IL1RAPL2: variants seen among roughly 807,000 people sequenced by gnomAD.
IL1RAPL2 encodes the protein X-linked interleukin-1 receptor accessory protein-like 2.
In IL1RAPL2, 3 loss-of-function variants were observed where a neutral mutation model predicts 44.1. That is an observed-to-expected ratio of 0.07 (90% CI 0.03 to 0.18). The LOEUF (loss-of-function observed/expected upper bound fraction) is 0.18. Among genes scored for constraint, IL1RAPL2 ranks in the 10% least tolerant of loss-of-function variants. IL1RAPL2 has a pLI of 1.00. For missense variants in IL1RAPL2, 391 were observed against 496.4 expected (o/e 0.79, Z 2.02); for synonymous variants, 181 against 178.8 (o/e 1.01, Z -0.10).
At chrX:105,030,194 T>C (rs1462286307) in intron 2 of IL1RAPL2, among the ~76,000 whole-genome samples, 1 of 111,701 alleles carries the variant, frequency 9.0e-6, no homozygotes, top group Non-Finnish European at 1.9e-5. Context: ...ATCCTGTAAG[T>C]TGCCTGTTCA....
chrX:104,582,800 T>C, intron 1 of IL1RAPL2, among the ~76,000 whole-genome samples: 1 of 84,948 alleles, frequency 1.2e-5, no homozygotes, highest in Non-Finnish European at 2.3e-5. Flanking sequence ...TCTTTCCCTC[T>C]CTCTCTTTCT....
chrX:104,971,297 G>A (rs1042802108), intron 2 of IL1RAPL2, among the ~76,000 whole-genome samples: 2 of 111,321 alleles, frequency 1.8e-5, no homozygotes, highest in Non-Finnish European at 3.8e-5. Context: ...GCAGTGAGCC[G>A]AGATTGCACC....
At chrX:105,183,406 C>T (rs1556132029) in intron 2 of IL1RAPL2, among the ~76,000 whole-genome samples, 1 of 111,605 alleles carries the variant, frequency 9.0e-6, no homozygotes, top group African/African-American at 3.3e-5. Flanking sequence ...AGCCATGCTA[C>T]TTTGGGGATA....
intron 2 of IL1RAPL2, among the ~76,000 whole-genome samples, chrX:104,857,101 T>C (rs1474779143): frequency 8.9e-6 from 1 of 112,119 alleles, no homozygotes; most frequent in Non-Finnish European, 1.9e-5. Flanking sequence ...AGCCACTCTT[T>C]CTTCACTTTA....
chrX:105,432,939 A>C (rs754350520), intron 5 of IL1RAPL2, among the ~76,000 whole-genome samples: 85 of 111,302 alleles, frequency 7.6e-4, no homozygotes, highest in Non-Finnish European at 1.3e-3. Context: ...TCTTGGTGGC[A>C]GATGGGAAAC....
intron 5 of IL1RAPL2, among the ~76,000 whole-genome samples, chrX:105,417,484 T>C (rs1033534150): frequency 8.9e-6 from 1 of 112,646 alleles, no homozygotes; most frequent in Non-Finnish European, 1.9e-5. Flanking sequence ...AAAAATAAAT[T>C]ATGTGATTTA....
chrX:104,763,336 A>G, intron 2 of IL1RAPL2, among the ~76,000 whole-genome samples: 1 of 112,063 alleles, frequency 8.9e-6, no homozygotes, highest in Non-Finnish European at 1.9e-5. Context: ...AAACCATTCA[A>G]CAAGTCTCTA....
At chrX:105,355,355 G>A (rs1396251023) in intron 5 of IL1RAPL2, among the ~76,000 whole-genome samples, 1 of 110,975 alleles carries the variant, frequency 9.0e-6, no homozygotes, top group African/African-American at 3.3e-5. Flanking sequence ...TTTGCTTGCC[G>A]ATTTTAATTG....
At chrX:105,758,678 T>C (rs775971544) in intron 10 of IL1RAPL2, among the ~76,000 whole-genome samples, 1 of 112,084 alleles carries the variant, frequency 8.9e-6, no homozygotes, top group Non-Finnish European at 1.9e-5. Flanking sequence ...GCCAGGATCT[T>C]CCTTATGTTT....
chrX:104,678,769 A>G (rs1930836877), intron 2 of IL1RAPL2, among the ~76,000 whole-genome samples: 1 of 111,146 alleles, frequency 9.0e-6, no homozygotes, highest in Non-Finnish European at 1.9e-5. Flanking sequence ...ACACAAGGAG[A>G]ACAAGGAGAA....
chrX:105,103,002 A>G (rs2147561165), intron 2 of IL1RAPL2, among the ~76,000 whole-genome samples: 1 of 111,706 alleles, frequency 9.0e-6, no homozygotes, highest in South Asian at 3.8e-4. Context: ...TTGGGGGTGG[A>G]GAAATTTTGA....
Position 105,267,482 on chromosome X carries a change from CATGTGAACTTAAAT to C in IL1RAPL2, c.642_655del (p.Cys214Ter). On this transcript the variant is annotated frameshift_variant, in exon 5 of 11. Coordinates refer to ENST00000372582, the MANE Select transcript of IL1RAPL2 (RefSeq NM_017416.2). LOFTEE classifies it high-confidence loss of function. ...CAAGAAGAAGATGGAGGAAATTACACATGTGAACTTAAATATGAAGGAAAACTTGTAAGACGAAC... is the reference window on the plus strand; with the variant it reads ...CAAGAAGAAGATGGAGGAAATTACACATGAAGGAAAACTTGTAAGACGAAC... The C allele has an allele frequency of 2.5e-6, 3 of 1,193,576 alleles. No individual in the cohort carries two copies. The highest frequency in any genetic ancestry group is 3.4e-6 in the Non-Finnish European group (3 of 882,886).
chrX:105,034,271 C>A (rs1415366960), intron 2 of IL1RAPL2, among the ~76,000 whole-genome samples: 1 of 112,321 alleles, frequency 8.9e-6, no homozygotes, highest in Non-Finnish European at 1.9e-5. Context: ...TGGTGAGGAG[C>A]TGCGTTCCTT....
chrX:105,004,943 T>C (rs954743632), intron 2 of IL1RAPL2, among the ~76,000 whole-genome samples: 1 of 111,026 alleles, frequency 9.0e-6, no homozygotes, highest in African/African-American at 3.3e-5. Flanking sequence ...AAAACTGCTT[T>C]GTTTAATGTT....
intron 1 of IL1RAPL2, among the ~76,000 whole-genome samples, chrX:104,631,009 C>T (rs776836151): frequency 9.1e-6 from 1 of 110,348 alleles, no homozygotes; most frequent in East Asian, 2.9e-4. Context: ...CCACAACAGG[C>T]CCCAGTGTGT....
chrX:104,848,340 T>C (rs207478704), intron 2 of IL1RAPL2, among the ~76,000 whole-genome samples: 4 of 103,824 alleles, frequency 3.9e-5, no homozygotes, highest in Non-Finnish European at 5.9e-5. Flanking sequence ...TAAAAAATAG[T>C]CATCTTATTT....
chrX:104,774,930 T>C (rs1039423681), intron 2 of IL1RAPL2, among the ~76,000 whole-genome samples: 7 of 111,748 alleles, frequency 6.3e-5, no homozygotes, highest in African/African-American at 2.3e-4. Context: ...TATGCTCTAT[T>C]ACGTTCTTTT....
intron 2 of IL1RAPL2, among the ~76,000 whole-genome samples, chrX:104,864,012 A>T (rs990092726): frequency 1.8e-5 from 2 of 111,906 alleles, no homozygotes; most frequent in Non-Finnish European, 3.8e-5. Context: ...CTTTAGCTTT[A>T]GGGTCCCTAA....
chrX:105,590,363 T>TA (rs1437973380), intron 6 of IL1RAPL2, among the ~76,000 whole-genome samples: 1 of 107,233 alleles, frequency 9.3e-6, no homozygotes, highest in Non-Finnish European at 1.9e-5. Flanking sequence ...TTTGGATGCA[T>TA]TTTTTTTTGT....
Sources: gnomAD v4.1 joint callset for allele counts (sites outside exome capture counted in the v4.1 genomes callset) on GRCh38, gnomAD v4.1.1 for gene constraint, MANE v1.5 for transcripts, NCBI Gene and HGNC (gene_info 2026-07-23, HGNC 2026-07-21) for gene names.